CCSER1: variants seen among roughly 807,000 people sequenced by gnomAD.
CCSER1 encodes serine-rich coiled-coil domain-containing protein 1.
In CCSER1, 41 loss-of-function variants were observed where a neutral mutation model predicts 82.0. That is an observed-to-expected ratio of 0.50 (90% CI 0.39 to 0.65). The LOEUF is 0.65. Ranked by LOEUF, CCSER1 falls within the 30% of genes least tolerant of loss-of-function variation. CCSER1 has a pLI of 0.00. For missense variants in CCSER1, 1,119 were observed against 1,064.2 expected (o/e 1.05, Z -0.72); for synonymous variants, 414 against 383.9 (o/e 1.08, Z -0.92).
At chr4:91,244,619 A>C (rs565026843) in intron 10 of CCSER1, among the ~76,000 whole-genome samples, 1 of 152,344 alleles carries the variant, frequency 6.6e-6, no homozygotes, top group East Asian at 1.9e-4. Flanking sequence ...ACAGCATTAT[A>C]GGGCTTGGTA....
intron 6 of CCSER1, among the ~76,000 whole-genome samples, chr4:90,714,283 C>T (rs2149338529): frequency 6.6e-6 from 1 of 151,870 alleles, no homozygotes; most frequent in East Asian, 1.9e-4. Flanking sequence ...ACTTTTAATA[C>T]TTGCTTGTCT....
intron 9 of CCSER1, among the ~76,000 whole-genome samples, chr4:91,000,054 A>G (rs1737867903): frequency 6.6e-6 from 1 of 151,666 alleles, no homozygotes. Context: ...TTCTTTCCCC[A>G]CTGTTTATTT....
At chr4:91,083,223 A>C (rs1722984595) in intron 9 of CCSER1, among the ~76,000 whole-genome samples, 1 of 152,326 alleles carries the variant, frequency 6.6e-6, no homozygotes, top group Non-Finnish European at 1.5e-5. Flanking sequence ...ATGGAATACT[A>C]TGCAGCCATA....
intron 9 of CCSER1, among the ~76,000 whole-genome samples, chr4:91,068,628 A>G (rs1721092606): frequency 6.6e-6 from 1 of 152,172 alleles, no homozygotes; most frequent in Admixed American, 6.5e-5. Flanking sequence ...ACTGAAAGCA[A>G]TGCCAGTTTA....
At chr4:90,352,627 A>C (rs1743676430) in intron 3 of CCSER1, among the ~76,000 whole-genome samples, 1 of 151,318 alleles carries the variant, frequency 6.6e-6, no homozygotes, top group Non-Finnish European at 1.5e-5. Context: ...GTGCCATTGC[A>C]CTACAGCCTG....
chr4:90,297,332 T>C (rs1364345689), intron 1 of CCSER1, among the ~76,000 whole-genome samples: 2 of 149,648 alleles, frequency 1.3e-5, no homozygotes, highest in Non-Finnish European at 2.9e-5. Flanking sequence ...GTGATTTTTG[T>C]ACATTGATTT....
At chr4:90,444,274 G>A (rs1760317804) in intron 4 of CCSER1, among the ~76,000 whole-genome samples, 1 of 152,010 alleles carries the variant, frequency 6.6e-6, no homozygotes, top group Admixed American at 6.6e-5. Flanking sequence ...CATTCTTCAT[G>A]CTTTAATAAT....
intron 5 of CCSER1, among the ~76,000 whole-genome samples, chr4:90,584,517 C>CT (rs1448149866): frequency 1.3e-5 from 2 of 152,138 alleles, no homozygotes; most frequent in Non-Finnish European, 2.9e-5. Flanking sequence ...CCTTGTGATA[C>CT]TTTGAGTAGA....
At chr4:91,125,978 T>A (rs376608001) in intron 10 of CCSER1, among the ~76,000 whole-genome samples, 1 of 151,754 alleles carries the variant, frequency 6.6e-6, no homozygotes, top group East Asian at 1.9e-4. Context: ...AAATTTTATG[T>A]AGCAAATATA....
chr4:90,669,752 G>A (rs370832151), intron 6 of CCSER1, among the ~76,000 whole-genome samples: 6 of 152,014 alleles, frequency 3.9e-5, no homozygotes, highest in African/African-American at 1.4e-4. Context: ...ATGTGAAGGA[G>A]AGGAAATATG....
chr4:91,182,597 G>GT (rs1328012279), intron 10 of CCSER1, among the ~76,000 whole-genome samples: 1 of 152,170 alleles, frequency 6.6e-6, no homozygotes, highest in Non-Finnish European at 1.5e-5. Context: ...CCAGTAATGT[G>GT]TTTAATATTC....
At chr4:91,268,124 A>G (rs1404664084) in intron 10 of CCSER1, among the ~76,000 whole-genome samples, 2 of 152,208 alleles carry the variant, frequency 1.3e-5, no homozygotes, top group Non-Finnish European at 2.9e-5. Context: ...GAAATTAATC[A>G]TACCAAAATT....
Position 90,310,918 on chromosome 4 carries a change from G to A in CCSER1, c.1324+1310G>A, listed in dbSNP as rs116007740. Among the ~76,000 whole-genome samples, 1,174 of 152,002 alleles carry A rather than the reference G, an allele frequency of 7.7e-3. 14 individuals are homozygous for A. The highest frequency in any genetic ancestry group is 0.026 in the African/African-American group (1,069 of 41,472). On this transcript the variant is annotated intron_variant, in intron 2 of 10. Transcript: ENST00000509176. ...TTGATACAAGATCACTTTTATGCAC[G>A]TGACCATGTTTGTCCATTTTTGGAA...
chr4:91,357,748 C>T (rs113720158), intron 10 of CCSER1, among the ~76,000 whole-genome samples: 154 of 151,454 alleles, frequency 1.0e-3, no homozygotes, highest in African/African-American at 3.5e-3. Context: ...TGACTTTCGC[C>T]GACAATTTTT....
intron 6 of CCSER1, among the ~76,000 whole-genome samples, chr4:90,706,436 C>G (rs1336207481): frequency 6.6e-6 from 1 of 151,900 alleles, no homozygotes; most frequent in Non-Finnish European, 1.5e-5. Context: ...ACAGTGAGAC[C>G]CTGTCTCTAA....
intron 10 of CCSER1, among the ~76,000 whole-genome samples, chr4:91,593,275 T>A (rs1434370853): frequency 2.0e-5 from 3 of 152,146 alleles, no homozygotes; most frequent in Admixed American, 2.0e-4. Context: ...AGCTTCATAT[T>A]TGCCTTTCTT....
intron 10 of CCSER1, among the ~76,000 whole-genome samples, chr4:91,379,208 T>A (rs1358976250): frequency 2.0e-5 from 3 of 152,212 alleles, no homozygotes; most frequent in Non-Finnish European, 2.9e-5. Flanking sequence ...TGGTCTAAAA[T>A]TCTCTTTTTT....
intron 7 of CCSER1, among the ~76,000 whole-genome samples, chr4:90,736,728 C>G (rs1210983829): frequency 1.3e-5 from 2 of 151,914 alleles, no homozygotes; most frequent in Non-Finnish European, 1.5e-5. Context: ...TAAGGACTTA[C>G]TCCTACTTAC....
intron 8 of CCSER1, among the ~76,000 whole-genome samples, chr4:90,870,535 C>A (rs1363303713): frequency 6.6e-6 from 1 of 151,722 alleles, no homozygotes; most frequent in East Asian, 1.9e-4. Context: ...TGGAGATAAA[C>A]CCACTTGCTC....
Sources: gnomAD v4.1 joint callset for allele counts (sites outside exome capture counted in the v4.1 genomes callset) on GRCh38, gnomAD v4.1.1 for gene constraint, MANE v1.5 for transcripts, NCBI Gene and HGNC (gene_info 2026-07-23, HGNC 2026-07-21) for gene names.